The following TRAPPC6A variants were observed in gnomAD, a reference collection of about 807,000 sequenced individuals.
The protein encoded by TRAPPC6A is trafficking protein particle complex subunit 6A.
Under a neutral mutation model 20.8 loss-of-function variants are expected in TRAPPC6A, and 25 were observed. That is an observed-to-expected ratio of 1.20 (90% CI 0.88 to 1.68). The LOEUF (loss-of-function observed/expected upper bound fraction) is 1.68. TRAPPC6A is among the 40% of genes most tolerant of loss of function. The pLI is 0.00. For missense variants in TRAPPC6A, 215 were observed against 211.6 expected (o/e 1.02, Z -0.10); for synonymous variants, 96 against 93.3 (o/e 1.03, Z -0.16).
chr19:45,165,219 C>G (rs1174746901), intron 1 of TRAPPC6A, 25 bp from the exon 2 acceptor site: 2 of 1,576,850 alleles, frequency 1.3e-6, no homozygotes, highest in Non-Finnish European at 8.6e-7. Context: ...GAGAGATGCT[C>G]AGGGGCCCTT....
intron 1 of TRAPPC6A, 133 bp downstream of exon 1, chr19:45,178,002 G>A: frequency 1.3e-6 from 2 of 1,486,758 alleles, no homozygotes; most frequent in East Asian, 2.5e-5. Context: ...AAAGGAGGAA[G>A]CCAGGGCCAG....
At chr19:45,176,609 C>T (rs1969381097) in intron 1 of TRAPPC6A, among the ~76,000 whole-genome samples, 2 of 152,176 alleles carry the variant, frequency 1.3e-5, no homozygotes, top group Admixed American at 6.5e-5. Flanking sequence ...CAAGTCGCCA[C>T]ATCTGGCTAA....
Position 45,164,229 on chromosome 19 carries a change from C to G in TRAPPC6A, c.289G>C (p.Asp97His), listed in dbSNP as rs151155421. ...GGGAGGAGGAGGGGGAAGCTGTTGT[C>G]TTGCAGGACGTAGGTCCCCTGGGGG... Reference protein sequence around the residue: ...TNHQGTYVLQDNSFPLLLPMA... With the variant: ...TNHQGTYVLQHNSFPLLLPMA... The change falls in exon 4 of 6, where the codon GAC becomes CAC. Residue 97 changes from aspartate to histidine, a missense_variant. Coordinates refer to ENST00000585934, the MANE Select transcript of TRAPPC6A (RefSeq NM_001270891.2). 39 of 1,607,718 alleles carry G rather than the reference C, an allele frequency of 2.4e-5. No homozygotes were observed. In the African/African-American group the frequency reaches 4.8e-4, roughly 20 times the overall value.
rs1185914504 is a variant in TRAPPC6A, at chr19:45,173,124, C to T, written c.84+5011G>A. Among the ~76,000 whole-genome samples, 2 of 151,676 alleles carry T rather than the reference C, an allele frequency of 1.3e-5. No homozygotes were observed. The highest frequency in any genetic ancestry group is 2.4e-5 in the African/African-American group (1 of 40,986). On this transcript the variant is annotated intron_variant, in intron 1 of 5. Transcript: ENST00000585934. This position sits in a 1 kb window ranked among gnomAD's most constrained non-coding sequence, Gnocchi z 4.8. The stretch of plus-strand genomic sequence containing the variant: ...CAGACAATGGGTGACAGCGCCTTAG[C>T]TCTTTACTACATGCACTCAGGGGAA...
In TRAPPC6A at chr19:45,165,205, A is replaced by C. The variant is rs773636208; in HGVS notation, c.85-11T>G. Reference sequence around the variant, plus strand: ...GCTCATCTTCTGTCCCTAGAAGGCCAGGGGAGAGATGCTCAGGGGCCCTTA... The same window carrying C: ...GCTCATCTTCTGTCCCTAGAAGGCCCGGGGAGAGATGCTCAGGGGCCCTTA... On this transcript the variant is annotated splice_polypyrimidine_tract_variant and intron_variant, in intron 1 of 5. Transcript: ENST00000585934. 6.3e-7 allele frequency: 1 copy of C among 1,590,758 alleles called. No individual in the cohort carries two copies. The highest frequency in any genetic ancestry group is 2.3e-5 in the East Asian group (1 of 42,680).
chr19:45,164,671 A>G, intron 3 of TRAPPC6A, 182 bp downstream of exon 3: 1 of 628,374 alleles, frequency 1.6e-6, no homozygotes, highest in Non-Finnish European at 2.8e-6. Context: ...AACACCCCCT[A>G]TGCCCCAGCG....
At chr19:45,176,716 T>G (rs1385004983) in intron 1 of TRAPPC6A, among the ~76,000 whole-genome samples, 1 of 152,054 alleles carries the variant, frequency 6.6e-6, no homozygotes, top group Non-Finnish European at 1.5e-5. Flanking sequence ...CTTCTAACCC[T>G]GGAAGGAAAC....
At position 45,172,982 on chromosome 19, in the gene TRAPPC6A, C is replaced by T. The variant is rs142062812; in HGVS notation, c.84+5153G>A. ...TCCGGGCAGGGACCTATCTGACAGCCGCTCCGCCCGCCCCACACCCTCCTC... is the reference window on the plus strand; with the variant it reads ...TCCGGGCAGGGACCTATCTGACAGCTGCTCCGCCCGCCCCACACCCTCCTC... On this transcript the variant is annotated intron_variant, in intron 1 of 5. Coordinates refer to ENST00000585934, the MANE Select transcript of TRAPPC6A (RefSeq NM_001270891.2). This position sits in a 1 kb window ranked among gnomAD's most constrained non-coding sequence, Gnocchi z 4.2. Among the ~76,000 whole-genome samples the T allele has an allele frequency of 3.5e-3, 534 of 151,648 alleles. 26 individuals carry two copies. Among genetic ancestry groups the T allele is most frequent in the African/African-American group, 0.012 (511 of 41,002 alleles).
At chr19:45,164,756 C>CCCGGCAG (rs1969107828) in intron 3 of TRAPPC6A, 97 bp downstream of exon 3, 2 of 1,165,872 alleles carry the variant, frequency 1.7e-6, no homozygotes, top group Admixed American at 3.4e-5. Flanking sequence ...CTGGGCGGGT[C>CCCGGCAG]CCGGCAGCCG....
At chr19:45,169,734 C>T (rs953734822) in intron 1 of TRAPPC6A, among the ~76,000 whole-genome samples, 4 of 152,210 alleles carry the variant, frequency 2.6e-5, no homozygotes, top group African/African-American at 7.2e-5. Flanking sequence ...CTGGTAGCTG[C>T]GGCTCCCGTG....
At chr19:45,177,556 T>G (rs919140211) in intron 1 of TRAPPC6A, among the ~76,000 whole-genome samples, 2 of 152,120 alleles carry the variant, frequency 1.3e-5, no homozygotes, top group African/African-American at 4.8e-5. Context: ...CTTGAACTCC[T>G]GACCTCAGGT....
In TRAPPC6A at chr19:45,172,593, C is replaced by T. The variant is rs1026071301; in HGVS notation, c.84+5542G>A. On this transcript the variant is annotated intron_variant, in intron 1 of 5. Coordinates refer to ENST00000585934, the MANE Select transcript of TRAPPC6A (RefSeq NM_001270891.2). The surrounding 1 kb of genome is among the most constrained non-coding windows in gnomAD (Gnocchi z 4.2). The stretch of plus-strand genomic sequence containing the variant: ...CAGATGGGTGAGTGAGGGGTGGGTG[C>T]GAGAAGCCTGCAGGACTTCCCTGCT... Among the ~76,000 whole-genome samples the T allele has an allele frequency of 2.0e-5, 3 of 151,558 alleles. No individual in the cohort carries two copies. The highest frequency in any genetic ancestry group is 1.3e-4 in the Admixed American group (2 of 15,260).
intron 1 of TRAPPC6A, among the ~76,000 whole-genome samples, chr19:45,169,497 G>A (rs1357277856): frequency 2.0e-5 from 3 of 152,208 alleles, no homozygotes; most frequent in Non-Finnish European, 4.4e-5. Context: ...CTACCTCCAG[G>A]ATCCTCACAA....
rs368881012 is a variant in TRAPPC6A at position 45,178,209 on chromosome 19, T to A, written c.10A>T (p.Thr4Ser). 1.7e-5 allele frequency: 27 copies of A among 1,605,290 alleles called. No homozygotes were observed. Among genetic ancestry groups the A allele is most frequent in the Non-Finnish European group, 2.3e-5 (27 of 1,173,798 alleles). ...GTGTGAAGAAACTCAAACAACACAGTATCCGCCATGCCCCCTCCTCGCACG... is the reference window on the plus strand; with the variant it reads ...GTGTGAAGAAACTCAAACAACACAGAATCCGCCATGCCCCCTCCTCGCACG... The part of the protein sequence containing the change: MAD[T>S]VLFEFLHTEM... The change falls in exon 1 of 6, where the codon ACT becomes TCT. Residue 4 changes from threonine to serine, a missense_variant. Physicochemically the swap from Thr to Ser is moderately conservative, Grantham distance 58 (BLOSUM62 1). Coordinates refer to ENST00000585934, the MANE Select transcript of TRAPPC6A (RefSeq NM_001270891.2).
At chr19:45,171,713 ATT>A (rs1969272254) in intron 1 of TRAPPC6A, among the ~76,000 whole-genome samples, 1 of 152,232 alleles carries the variant, frequency 6.6e-6, no homozygotes, top group South Asian at 2.1e-4. Flanking sequence ...GAAGTCTAAT[ATT>A]CCCTGTGGTG....
intron 1 of TRAPPC6A, among the ~76,000 whole-genome samples, chr19:45,174,664 A>G (rs1187297757): frequency 6.6e-6 from 1 of 151,920 alleles, no homozygotes; most frequent in African/African-American, 2.4e-5. Context: ...ACCTATCTCT[A>G]CAAAAAATTT....
At chr19:45,164,393 C>T (rs1191511241) in intron 3 of TRAPPC6A, 146 bp from the exon 4 acceptor site, 1 of 630,350 alleles carries the variant, frequency 1.6e-6, no homozygotes, top group Non-Finnish European at 2.8e-6. Context: ...CCTTGGCCTC[C>T]AGTGCTCTGG....
chr19:45,165,050 C>A (rs767066854), intron 2 of TRAPPC6A, 77 bp downstream of exon 2: 16 of 1,609,138 alleles, frequency 9.9e-6, no homozygotes, highest in Non-Finnish European at 1.4e-5. Context: ...CTGCATGGAG[C>A]AATGCAACCC....
intron 1 of TRAPPC6A, among the ~76,000 whole-genome samples, chr19:45,175,690 G>A (rs1241974545): frequency 6.6e-6 from 1 of 152,130 alleles, no homozygotes; most frequent in Non-Finnish European, 1.5e-5. Context: ...CTGGACCAGG[G>A]CAGAGGAGGG....
Sources: gnomAD v4.1 joint callset for allele counts (sites outside exome capture counted in the v4.1 genomes callset) on GRCh38, gnomAD v4.1.1 for gene constraint, Gnocchi (gnomAD v3.1) non-coding constraint, MANE v1.5 for transcripts, NCBI Gene and HGNC (gene_info 2026-07-23, HGNC 2026-07-21) for gene names.